Variants in CHD9 observed in about 807,000 individuals in gnomAD.
CHD9 encodes ATP-dependent chromatin remodeler CHD9.
Under a neutral mutation model 316.1 loss-of-function variants are expected in CHD9, and 77 were observed. The ratio of observed to expected loss-of-function variants is 0.24; its 90% CI spans 0.20 to 0.29. The LOEUF is 0.29. Among genes scored for constraint, CHD9 ranks in the 10% least tolerant of loss-of-function variants. The pLI is 1.00. For missense variants in CHD9, 2,763 were observed against 3,438.1 expected, an observed-to-expected ratio of 0.80 and a Z score of 4.91; for synonymous variants, 1,129 against 1,158.3, an observed-to-expected ratio of 0.97 and a Z score of 0.51.
intron 1 of CHD9, among the ~76,000 whole-genome samples, chr16:53,085,565 C>T (rs1408628080): frequency 1.3e-5 from 2 of 152,144 alleles, no homozygotes; most frequent in African/African-American, 2.4e-5. Context: ...GGGATAAGTT[C>T]CCATTCCATA....
chr16:53,250,159 G>GA (rs2050006180), intron 17 of CHD9, 93 bp downstream of exon 17: 5 of 769,298 alleles, frequency 6.5e-6, no homozygotes, highest in Non-Finnish European at 8.3e-6. Flanking sequence ...TTTTTATCTG[G>GA]ACAAACTAAT....
intron 34 of CHD9, among the ~76,000 whole-genome samples, chr16:53,313,907 C>T (rs1040383909): frequency 6.6e-4 from 100 of 150,536 alleles, no homozygotes; most frequent in African/African-American, 2.4e-3. Context: ...GAGCCAAGAT[C>T]GTGCCACTGC....
chr16:53,263,201 TCTAG>T, intron 20 of CHD9, 104 bp downstream of exon 20: 1 of 746,184 alleles, frequency 1.3e-6, no homozygotes, highest in Non-Finnish European at 2.1e-6. Flanking sequence ...AAAACAAATT[TCTAG>T]ATATATAAAT....
intron 22 of CHD9, among the ~76,000 whole-genome samples, chr16:53,271,263 G>A (rs1184208596): frequency 6.6e-6 from 1 of 152,062 alleles, no homozygotes; most frequent in Non-Finnish European, 1.5e-5. Flanking sequence ...TCTCTAACAT[G>A]AAAGAGAGAG....
intron 18 of CHD9, 61 bp downstream of exon 18, chr16:53,254,666 C>T: frequency 6.9e-7 from 1 of 1,448,858 alleles, no homozygotes; most frequent in East Asian, 2.3e-5. Context: ...ATTTTACCTC[C>T]AATAGTGTGT....
In CHD9 at chr16:53,286,238, AT is replaced by A; in HGVS notation, c.5085del (p.Tyr1695Ter). On this transcript the variant is annotated frameshift_variant, in exon 26 of 39. Coordinates refer to ENST00000447540, the MANE Select transcript of CHD9 (RefSeq NM_001308319.2). LOFTEE classifies it high-confidence loss of function. ...IGVFKHGYEKYNTIRADPALC... is the reference protein window; with the variant it reads ...IGVFKHGYEKXNTIRADPALC... Reference sequence around the variant, plus strand: ...GTGATGTTTTCAGGATATGAAAAATATAACACTATTCGAGCAGACCCAGCAT... The same window carrying A: ...GTGATGTTTTCAGGATATGAAAAATAAACACTATTCGAGCAGACCCAGCAT... The A allele has an allele frequency of 6.2e-7, 1 of 1,604,410 alleles. No individual in the cohort carries two copies. The highest frequency in any genetic ancestry group is 8.5e-7 in the Non-Finnish European group (1 of 1,171,696).
chr16:53,129,132 T>A (rs1345426121), intron 1 of CHD9, among the ~76,000 whole-genome samples: 2 of 152,228 alleles, frequency 1.3e-5, no homozygotes, highest in African/African-American at 4.8e-5. Context: ...ATTATAGCAC[T>A]GCTCTTTAAT....
chr16:53,128,396 G>C (rs1230993838), intron 1 of CHD9, among the ~76,000 whole-genome samples: 2 of 152,030 alleles, frequency 1.3e-5, no homozygotes, highest in African/African-American at 2.4e-5. Flanking sequence ...TGGTCAGGCT[G>C]GTCTCCAACT....
intron 22 of CHD9, 47 bp from the exon 23 acceptor site, chr16:53,273,579 A>G: frequency 6.9e-7 from 1 of 1,439,826 alleles, no homozygotes; most frequent in Non-Finnish European, 9.3e-7. Context: ...TCAGATTGCA[A>G]ATTTTTATAC....
chr16:53,273,599 C>A lies in CHD9; in HGVS notation c.4718-27C>A, dbSNP rs572510796. The A allele has an allele frequency of 5.4e-6, 8 of 1,494,390 alleles. No individual in the cohort carries two copies. In the South Asian group the frequency reaches 9.3e-5, roughly 17 times the overall value. The allele number at this position is 1,494,390 out of a possible 1,614,324, so 92.6% of individuals were successfully genotyped here. A position where few individuals can be genotyped will look rare whatever the true frequency, so the allele number is the denominator to read the frequency against. ...TTGCAAATTTTTATACAAATTATTC[C>A]TAATTTATATGTCCTTATTTTAACA... On this transcript the variant is annotated intron_variant, in intron 22 of 38. Coordinates refer to ENST00000447540, the MANE Select transcript of CHD9 (RefSeq NM_001308319.2).
At position 53,111,137 on chromosome 16, in the gene CHD9, C is replaced by T. The variant is rs117149766; in HGVS notation, c.-164-44789C>T. 8.2e-4 allele frequency among the ~76,000 whole-genome samples: 125 copies of T among 152,280 alleles called. No homozygotes were observed. In the East Asian group the frequency reaches 0.022, roughly 27 times the overall value. On this transcript the variant is annotated intron_variant, in intron 1 of 38. Coordinates refer to ENST00000447540, the MANE Select transcript of CHD9 (RefSeq NM_001308319.2). ...GTTCTAATGTTGGTTGTCCCACAAACTCACTGTGCAACCTCAGATAAATCC... is the reference window on the plus strand; with the variant it reads ...GTTCTAATGTTGGTTGTCCCACAAATTCACTGTGCAACCTCAGATAAATCC...
chr16:53,311,505 C>T (rs2056473434), intron 34 of CHD9: 1 of 152,160 alleles, frequency 6.6e-6, no homozygotes, highest in African/African-American at 2.4e-5. Flanking sequence ...AATATGTACT[C>T]ATAGATTTTA....
At chr16:53,080,787 AC>A (rs2034951379) in intron 1 of CHD9, among the ~76,000 whole-genome samples, 1 of 151,084 alleles carries the variant, frequency 6.6e-6, no homozygotes, top group South Asian at 2.1e-4. Flanking sequence ...CTACTCCTCC[AC>A]CCCCACCTCC....
intron 2 of CHD9, among the ~76,000 whole-genome samples, chr16:53,168,049 T>C (rs1464041188): frequency 6.9e-6 from 1 of 145,614 alleles, no homozygotes; most frequent in Non-Finnish European, 1.6e-5. Context: ...TAACATTTGC[T>C]TTATTTATTT....
rs1486608121 is a variant in CHD9, at chr16:53,095,982, T to C, written c.-165+40905T>C. On this transcript the variant is annotated intron_variant, in intron 1 of 38. Transcript: ENST00000447540. ...TCTCATTGTGATCTCTTCATGGTTATTGCCTTTCCAAATATGGTTTACAGT... is the reference window on the plus strand; with the variant it reads ...TCTCATTGTGATCTCTTCATGGTTACTGCCTTTCCAAATATGGTTTACAGT... Among the ~76,000 whole-genome samples the C allele has an allele frequency of 5.3e-5, 8 of 152,210 alleles. No homozygotes were observed. The East Asian group carries it at 1.3e-3, about 26-fold the overall frequency.
intron 1 of CHD9, among the ~76,000 whole-genome samples, chr16:53,092,984 G>C (rs938510112): frequency 2.6e-5 from 4 of 152,122 alleles, no homozygotes; most frequent in Admixed American, 6.6e-5. Context: ...TCACTATGTC[G>C]CCAGGGCTGG....
chr16:53,105,655 A>T (rs1334042685), intron 1 of CHD9, among the ~76,000 whole-genome samples: 1 of 152,164 alleles, frequency 6.6e-6, no homozygotes, highest in East Asian at 1.9e-4. Flanking sequence ...AATCAAAGTT[A>T]TACTATGAGA....
At chr16:53,304,657 A>G (rs940793689) in intron 31 of CHD9, 32 bp downstream of exon 31, 1 of 1,448,062 alleles carries the variant, frequency 6.9e-7, no homozygotes. Context: ...TACTTTTTTA[A>G]CATAACTTTT....
At chr16:53,079,622 T>C (rs1047781645) in intron 1 of CHD9, among the ~76,000 whole-genome samples, 3 of 152,180 alleles carry the variant, frequency 2.0e-5, no homozygotes, top group African/African-American at 7.2e-5. Context: ...GAATCCTAGA[T>C]AGCCTCAGGG....
Sources: allele counts gnomAD v4.1 joint callset (sites outside exome capture counted in the v4.1 genomes callset), GRCh38; gene constraint gnomAD v4.1.1; transcripts MANE v1.5; gene names NCBI Gene and HGNC (gene_info 2026-07-23, HGNC 2026-07-21).